The following PCDH9 variants were observed in gnomAD, a reference collection of about 807,000 sequenced individuals.
PCDH9 encodes the protein protocadherin-9.
PCDH9 carries 24 observed loss-of-function variants against 70.6 expected under a neutral mutation model. That is an observed-to-expected ratio of 0.34 (90% CI 0.25 to 0.48). The LOEUF (loss-of-function observed/expected upper bound fraction) is 0.48. Ranked by LOEUF, PCDH9 falls within the 20% of genes least tolerant of loss-of-function variation. The probability of loss-of-function intolerance (pLI) is 0.99; values close to 1 mark genes in which losing one functional copy is unlikely to be tolerated. For missense variants in PCDH9, 1,281 were observed against 1,503.6 expected, an observed-to-expected ratio of 0.85 and a Z score of 2.45; for synonymous variants, 562 against 558.5, an observed-to-expected ratio of 1.01 and a Z score of -0.09.
intron 4 of PCDH9, among the ~76,000 whole-genome samples, chr13:66,609,175 A>G (rs1340945140): frequency 6.6e-6 from 1 of 152,236 alleles, no homozygotes; most frequent in Non-Finnish European, 1.5e-5. Flanking sequence ...ATGACACACA[A>G]TAAGATTTCT....
chr13:66,382,867 C>T (rs928719782), intron 4 of PCDH9, among the ~76,000 whole-genome samples: 1 of 152,062 alleles, frequency 6.6e-6, no homozygotes, highest in African/African-American at 2.4e-5. Context: ...TCTGTCACTA[C>T]TAAAAATACA....
chr13:66,392,145 T>G (rs905638395), intron 4 of PCDH9, among the ~76,000 whole-genome samples: 2 of 151,658 alleles, frequency 1.3e-5, no homozygotes, highest in African/African-American at 4.8e-5. Flanking sequence ...TAAAAATTTG[T>G]CAACTGAAAC....
At chr13:66,962,282 G>A (rs977347027) in intron 2 of PCDH9, among the ~76,000 whole-genome samples, 1 of 152,194 alleles carries the variant, frequency 6.6e-6, no homozygotes, top group East Asian at 1.9e-4. Context: ...TCCACAGTAA[G>A]GTAGATAGGG....
At chr13:67,206,646 T>C (rs1472591165) in intron 2 of PCDH9, 1 of 152,220 alleles carries the variant, frequency 6.6e-6, no homozygotes, top group African/African-American at 2.4e-5. Flanking sequence ...TAAATAGATA[T>C]GAAGATATAT....
intron 4 of PCDH9, among the ~76,000 whole-genome samples, chr13:66,470,631 A>C (rs1958599861): frequency 6.6e-6 from 1 of 151,966 alleles, no homozygotes; most frequent in Non-Finnish European, 1.5e-5. Flanking sequence ...GTACAAAAAA[A>C]CCCTAAAAAT....
intron 2 of PCDH9, among the ~76,000 whole-genome samples, chr13:67,197,756 G>A (rs1174608897): frequency 6.6e-6 from 1 of 151,732 alleles, no homozygotes; most frequent in Non-Finnish European, 1.5e-5. Context: ...TATGCTTAAG[G>A]CTGTTGTATA....
chr13:66,492,021 T>C (rs1330560399), intron 4 of PCDH9, among the ~76,000 whole-genome samples: 1 of 152,180 alleles, frequency 6.6e-6, no homozygotes, highest in African/African-American at 2.4e-5. Context: ...CAAATGGGTA[T>C]GTATGACTCA....
At chr13:66,357,833 C>T (rs760856655) in intron 4 of PCDH9, among the ~76,000 whole-genome samples, 4 of 152,050 alleles carry the variant, frequency 2.6e-5, no homozygotes, top group African/African-American at 7.2e-5. Context: ...CAGCATGGAA[C>T]GCAGAGCTTT....
intron 4 of PCDH9, among the ~76,000 whole-genome samples, chr13:66,553,028 T>C (rs1393814130): frequency 6.6e-6 from 1 of 152,128 alleles, no homozygotes; most frequent in African/African-American, 2.4e-5. Context: ...AAGAATTGCA[T>C]GAGGGTAACC....
intron 3 of PCDH9, among the ~76,000 whole-genome samples, chr13:66,850,520 A>AT (rs2081298375): frequency 1.1e-5 from 1 of 90,428 alleles, no homozygotes; most frequent in Non-Finnish European, 2.5e-5. Flanking sequence ...TCAAAAAAAC[A>AT]GAAAAAAAAA....
chr13:66,713,923 T>C (rs565390764), intron 3 of PCDH9, among the ~76,000 whole-genome samples: 2 of 152,150 alleles, frequency 1.3e-5, no homozygotes, highest in South Asian at 4.2e-4. Flanking sequence ...AGAAAGTGAC[T>C]CCTGCTAAAT....
intron 2 of PCDH9, among the ~76,000 whole-genome samples, chr13:66,964,387 A>T (rs947894753): frequency 3.3e-5 from 5 of 151,912 alleles, no homozygotes; most frequent in African/African-American, 1.2e-4. Context: ...TAGTGATTGT[A>T]CACTTTAGCA....
At chr13:66,624,331 T>C (rs780342342) in intron 4 of PCDH9, among the ~76,000 whole-genome samples, 59 of 152,248 alleles carry the variant, frequency 3.9e-4, no homozygotes, top group Non-Finnish European at 4.0e-4. Flanking sequence ...AGTTAACTTC[T>C]TAAGTAAATA....
intron 2 of PCDH9, among the ~76,000 whole-genome samples, chr13:67,133,246 G>T: frequency 6.6e-6 from 1 of 152,198 alleles, no homozygotes; most frequent in Non-Finnish European, 1.5e-5. Flanking sequence ...TCATAATTTT[G>T]ATGGGCCTTA....
chr13:66,905,187 GA>G (rs151091942), intron 2 of PCDH9, among the ~76,000 whole-genome samples: 7 of 146,450 alleles, frequency 4.8e-5, no homozygotes, highest in African/African-American at 9.9e-5. Context: ...TGGCATTCAA[GA>G]AAAAAAAAAG....
intron 4 of PCDH9, among the ~76,000 whole-genome samples, chr13:66,343,808 C>A (rs74515834): frequency 6.6e-6 from 1 of 152,024 alleles, no homozygotes; most frequent in Non-Finnish European, 1.5e-5. Flanking sequence ...GCTGTGGGAA[C>A]GGGGGGCATT....
At chr13:66,766,281 G>A (rs969895062) in intron 3 of PCDH9, among the ~76,000 whole-genome samples, 1 of 151,914 alleles carries the variant, frequency 6.6e-6, no homozygotes, top group Non-Finnish European at 1.5e-5. Flanking sequence ...CAGAGATGAC[G>A]ATAGACTCAC....
intron 2 of PCDH9, chr13:67,208,465 T>C (rs558927978): frequency 6.6e-6 from 1 of 152,014 alleles, no homozygotes; most frequent in Admixed American, 6.5e-5. Context: ...TAATAATATT[T>C]ATGTCACTTT....
intron 2 of PCDH9, among the ~76,000 whole-genome samples, chr13:67,017,708 A>G (rs906832320): frequency 6.6e-6 from 1 of 152,188 alleles, no homozygotes; most frequent in Admixed American, 6.5e-5. Flanking sequence ...TTCCTCCAAA[A>G]CAAGAGGAAC....
Sources: allele counts gnomAD v4.1 joint callset (sites outside exome capture counted in the v4.1 genomes callset), GRCh38; gene constraint gnomAD v4.1.1; transcripts MANE v1.5; gene names NCBI Gene and HGNC (gene_info 2026-07-23, HGNC 2026-07-21).